SPEF2: variants seen among roughly 807,000 people sequenced by gnomAD.
SPEF2 encodes the protein sperm flagella and cilia-associated protein 2.
In SPEF2, 187 loss-of-function variants were observed where a neutral mutation model predicts 224.6. That is an observed-to-expected ratio of 0.83 (90% CI 0.74 to 0.94). The LOEUF is 0.94. SPEF2 is among the 40% of genes least tolerant of loss of function. SPEF2 has a pLI of 0.00. For synonymous variants in SPEF2, 715 were observed against 707.3 expected, an observed-to-expected ratio of 1.01 and a Z score of -0.17; for missense variants, 2,170 against 2,135.6, an observed-to-expected ratio of 1.02 and a Z score of -0.32.
At chr5:35,750,993 A>ATG (rs1554048567) in intron 23 of SPEF2, among the ~76,000 whole-genome samples, 1 of 66,140 alleles carries the variant, frequency 1.5e-5, no homozygotes, top group Non-Finnish European at 3.6e-5. Context: ...CTATATATAT[A>ATG]TATGTATATA....
At chr5:35,782,911 A>G (rs1176351553) in intron 30 of SPEF2, among the ~76,000 whole-genome samples, 1 of 152,200 alleles carries the variant, frequency 6.6e-6, no homozygotes, top group Non-Finnish European at 1.5e-5. Context: ...ATTGATTATT[A>G]TTAACACAAA....
Position 35,691,149 on chromosome 5 carries a change from C to T in SPEF2, c.1637C>T (p.Pro546Leu). ...AGGCTAGCTGAAAAATCTCTTCCTC[C>T]TCGAGCGGAATCAACAACACCTGAA... ...LHRLAEKSLP[P>L]RAESTTPELP... The change falls in exon 11 of 37, where the codon CCT becomes CTT. Residue 546 changes from proline (P) to leucine (L), a missense_variant. Transcript: ENST00000356031. 1.2e-6 allele frequency: 2 copies of T among 1,614,058 alleles called. No individual in the cohort carries two copies. The highest frequency in any genetic ancestry group is 1.7e-6 in the Non-Finnish European group (2 of 1,179,958).
intron 10 of SPEF2, chr5:35,675,815 ATTT>A (rs1287716718): frequency 2.4e-6 from 1 of 414,094 alleles, no homozygotes. Flanking sequence ...AGAGGGCTCT[ATTT>A]GCCCTAGGTC....
At chr5:35,672,630 A>T (rs1034926355) in intron 10 of SPEF2, among the ~76,000 whole-genome samples, 1 of 152,032 alleles carries the variant, frequency 6.6e-6, no homozygotes, top group African/African-American at 2.4e-5. Flanking sequence ...ATAGTATAAT[A>T]CATTTGCTTG....
chr5:35,669,736 T>C, intron 9 of SPEF2, among the ~76,000 whole-genome samples: 1 of 152,100 alleles, frequency 6.6e-6, no homozygotes, highest in East Asian at 1.9e-4. Context: ...AGCTCTGATA[T>C]CAGCTTACTA....
At chr5:35,697,410 G>C (rs1017980348) in intron 14 of SPEF2, among the ~76,000 whole-genome samples, 1 of 152,150 alleles carries the variant, frequency 6.6e-6, no homozygotes, top group Non-Finnish European at 1.5e-5. Context: ...CCCAAGAAGA[G>C]AGCTCAATCT....
intron 1 of SPEF2, among the ~76,000 whole-genome samples, chr5:35,624,928 T>A (rs1423479250): frequency 2.0e-5 from 3 of 152,166 alleles, no homozygotes; most frequent in African/African-American, 7.2e-5. Context: ...AGCCACGGCA[T>A]CCAGCCCTGT....
At chr5:35,640,651 A>G (rs1169212303) in intron 2 of SPEF2, among the ~76,000 whole-genome samples, 4 of 152,182 alleles carry the variant, frequency 2.6e-5, no homozygotes, top group Non-Finnish European at 4.4e-5. Flanking sequence ...GTCTCCTCCA[A>G]GGCCTTTTTC....
chr5:35,771,114 A>C (rs1044261293), intron 26 of SPEF2, among the ~76,000 whole-genome samples: 1 of 152,138 alleles, frequency 6.6e-6, no homozygotes, highest in Non-Finnish European at 1.5e-5. Flanking sequence ...AACATAAACA[A>C]ATATGCTTCT....
chr5:35,677,659 T>C (rs1432421038), intron 10 of SPEF2, among the ~76,000 whole-genome samples: 2 of 152,042 alleles, frequency 1.3e-5, no homozygotes, highest in African/African-American at 4.8e-5. Context: ...CATTTTGGGG[T>C]GACTGAACTA....
At chr5:35,744,236 T>C (rs1285035831) in intron 23 of SPEF2, among the ~76,000 whole-genome samples, 1 of 152,240 alleles carries the variant, frequency 6.6e-6, no homozygotes, top group Non-Finnish European at 1.5e-5. Context: ...AATAGACATT[T>C]ATAATGATTT....
rs545075196 is a variant in SPEF2 at position 35,730,528 on chromosome 5, C to T, written c.3063+2705C>T. On this transcript the variant is annotated intron_variant, in intron 21 of 36. Transcript: ENST00000356031. ...GGAGGCTGACAGACATAGGACTCTACGGCCAAAAGTATAACTCAGATTAAA... is the reference window on the plus strand; with the variant it reads ...GGAGGCTGACAGACATAGGACTCTATGGCCAAAAGTATAACTCAGATTAAA... Among the ~76,000 whole-genome samples the T allele has an allele frequency of 1.5e-4, 23 of 152,336 alleles. No individual in the cohort carries two copies. In the South Asian group the frequency reaches 1.9e-3, roughly 12 times the overall value.
chr5:35,737,344 C>G (rs950825916), intron 21 of SPEF2, among the ~76,000 whole-genome samples: 2 of 151,070 alleles, frequency 1.3e-5, no homozygotes, highest in African/African-American at 4.9e-5. Context: ...GGTATATCTC[C>G]TAATGCTATC....
At chr5:35,636,131 A>T (rs551088911) in intron 2 of SPEF2, among the ~76,000 whole-genome samples, 1 of 152,190 alleles carries the variant, frequency 6.6e-6, no homozygotes, top group African/African-American at 2.4e-5. Flanking sequence ...TTGTTTGTTT[A>T]GTAGCTCTCC....
At chr5:35,789,398 G>C in intron 30 of SPEF2, 1 of 702,112 alleles carries the variant, frequency 1.4e-6, no homozygotes, top group Non-Finnish European at 2.6e-6. Context: ...GATGATCTGA[G>C]GTCTGTCAAA....
intron 36 of SPEF2, among the ~76,000 whole-genome samples, chr5:35,808,672 G>A (rs1758346879): frequency 6.7e-6 from 1 of 149,972 alleles, no homozygotes. Flanking sequence ...ATTTGGGTTG[G>A]TTCCAAGTCT....
In SPEF2 at chr5:35,799,966, A is replaced by T; in HGVS notation, c.4831-2A>T. The T allele has an allele frequency of 6.2e-7, 1 of 1,613,624 alleles. No individual in the cohort carries two copies. The highest frequency in any genetic ancestry group is 8.5e-7 in the Non-Finnish European group (1 of 1,179,786). On this transcript the variant is annotated splice_acceptor_variant, in intron 33 of 36. Transcript: ENST00000356031. LOFTEE classifies it high-confidence loss of function. ...TATCTTTGGAATTCTTTTTGTGTGC[A>T]GTTTTTCTTTAGGCTATTTGCTGAC...
intron 34 of SPEF2, among the ~76,000 whole-genome samples, chr5:35,801,889 G>T (rs372941659): frequency 2.0e-5 from 3 of 152,164 alleles, no homozygotes; most frequent in African/African-American, 4.8e-5. Flanking sequence ...TGAAGTTGAG[G>T]CAAGGCCTGG....
At chr5:35,688,735 G>C (rs950945676) in intron 10 of SPEF2, among the ~76,000 whole-genome samples, 1 of 152,066 alleles carries the variant, frequency 6.6e-6, no homozygotes, top group Non-Finnish European at 1.5e-5. Context: ...CTTAGTCGTT[G>C]CAATACTCAG....
Sources: allele counts gnomAD v4.1 joint callset (sites outside exome capture counted in the v4.1 genomes callset), GRCh38; gene constraint gnomAD v4.1.1; transcripts MANE v1.5; gene names NCBI Gene and HGNC (gene_info 2026-07-23, HGNC 2026-07-21).